WDFY3: variants seen among roughly 807,000 people sequenced by gnomAD.
WDFY3 encodes WD repeat and FYVE domain containing 3.
In WDFY3, 66 loss-of-function variants were observed where a neutral mutation model predicts 409.6. The observed-to-expected ratio is 0.16, with a 90% confidence interval of 0.13 to 0.20. The LOEUF is 0.20. WDFY3 is among the 10% of genes least tolerant of loss of function. The probability of loss-of-function intolerance (pLI) is 1.00; values close to 1 mark genes in which losing one functional copy is unlikely to be tolerated. For missense variants in WDFY3, 3,031 were observed against 4,298.1 expected (o/e 0.71, Z 8.24); for synonymous variants, 1,521 against 1,537.1 (o/e 0.99, Z 0.25).
Position 84,794,607 on chromosome 4 carries a change from C to T in WDFY3, c.3399G>A (p.Glu1133=), listed in dbSNP as rs771644103. The T allele has an allele frequency of 2.5e-6, 4 of 1,613,914 alleles. No homozygotes were observed. In the South Asian group the frequency reaches 3.3e-5, roughly 13 times the overall value. ...LTVVRRANSS[E]QHYVCLAIVL... Reference sequence around the variant, plus strand: ...CTATTGCAAGGCACACGTAATGTTGCTCAGAAGAATTTGCTCGGCGCACAA... The same window carrying T: ...CTATTGCAAGGCACACGTAATGTTGTTCAGAAGAATTTGCTCGGCGCACAA... Residue 1133 remains glutamate, a synonymous_variant, in exon 21 of 68, where the codon GAG becomes GAA. Coordinates refer to ENST00000295888, the MANE Select transcript of WDFY3 (RefSeq NM_014991.6).
intron 5 of WDFY3, chr4:84,844,588 C>A (rs1757830207): frequency 8.7e-7 from 1 of 1,153,558 alleles, no homozygotes; most frequent in African/African-American, 1.6e-5. Context: ...GTACTGGGGT[C>A]AACATCATCC....
intron 3 of WDFY3, among the ~76,000 whole-genome samples, chr4:84,873,494 A>G (rs1762386817): frequency 6.6e-6 from 1 of 152,228 alleles, no homozygotes; most frequent in African/African-American, 2.4e-5. Flanking sequence ...CTGTTCTTTG[A>G]GGAAAAAATT....
chr4:84,703,891 AG>A (rs1731492165), intron 55 of WDFY3, among the ~76,000 whole-genome samples: 2 of 152,192 alleles, frequency 1.3e-5, no homozygotes, highest in Non-Finnish European at 2.9e-5. Flanking sequence ...TAAACTGCAC[AG>A]GTAAGGCTTT....
rs149309465 is a variant in WDFY3 at position 84,848,900 on chromosome 4, G to A, written c.304+1002C>T. On this transcript the variant is annotated intron_variant, in intron 5 of 67. Coordinates refer to ENST00000295888, the MANE Select transcript of WDFY3 (RefSeq NM_014991.6). ...TTTCCTTTTCTATAATAATCATGCTGTATGATGTAGTGGAATTTGTTCTAA... is the reference window on the plus strand; with the variant it reads ...TTTCCTTTTCTATAATAATCATGCTATATGATGTAGTGGAATTTGTTCTAA... 3.3e-3 allele frequency among the ~76,000 whole-genome samples: 501 copies of A among 152,228 alleles called. 4 individuals are homozygous for A. The highest frequency in any genetic ancestry group is 0.011 in the African/African-American group (461 of 41,532).
chr4:84,832,149 T>C (rs895033245), intron 7 of WDFY3, among the ~76,000 whole-genome samples: 2 of 152,098 alleles, frequency 1.3e-5, no homozygotes, highest in Non-Finnish European at 2.9e-5. Flanking sequence ...TCTAATACTA[T>C]TCAGCCATAA....
chr4:84,796,281 A>G (rs1021706851), intron 19 of WDFY3, among the ~76,000 whole-genome samples: 8 of 151,932 alleles, frequency 5.3e-5, no homozygotes, highest in African/African-American at 1.9e-4. Context: ...AACAAAACAG[A>G]TTTGGTCCAT....
Position 84,829,188 on chromosome 4 carries a change from T to C in WDFY3, c.772A>G (p.Lys258Glu). The C allele has an allele frequency of 1.3e-6, 2 of 1,557,964 alleles. No homozygotes were observed. The highest frequency in any genetic ancestry group is 1.7e-6 in the Non-Finnish European group (2 of 1,149,776). Residue 258 changes from lysine (K) to glutamate (E), a missense_variant and splice_region_variant, in exon 9 of 68, where the codon AAA becomes GAA. Physicochemically the swap from Lys to Glu is moderately conservative, Grantham distance 56. Coordinates refer to ENST00000295888, the MANE Select transcript of WDFY3 (RefSeq NM_014991.6). Reference protein sequence around the residue: ...SVNVVKYIHEKECLSTCVQNM... With the variant: ...SVNVVKYIHEEECLSTCVQNM... ...TGAACACATGTAGATAAACACTCTT[T>C]CTCTGTAAGAATAGATAATTAAATA... is the stretch of plus-strand genomic sequence containing the variant.
At chr4:84,734,851 A>G (rs1737175523) in intron 43 of WDFY3, among the ~76,000 whole-genome samples, 192 bp downstream of exon 43, 1 of 152,224 alleles carries the variant, frequency 6.6e-6, no homozygotes, top group Admixed American at 6.5e-5. Context: ...GTTTGTTGAC[A>G]GAAGATTAAA....
At chr4:84,952,485 A>T (rs1009345768) in intron 1 of WDFY3, among the ~76,000 whole-genome samples, 17 of 152,160 alleles carry the variant, frequency 1.1e-4, no homozygotes, top group Non-Finnish European at 5.9e-5. Context: ...ACCTGAGGCA[A>T]AAACAACACC....
Position 84,690,521 on chromosome 4 carries a change from G to T in WDFY3, c.9348C>A (p.Thr3116=), listed in dbSNP as rs139515171. ...EMGTSKEKAK[T]VTLKQALLGH... is the part of the protein sequence containing the mutation. ...TCTCTCTTACCTGTTTGAGGGTGAC[G>T]GTCTTGGCCTTTTCTTTGGAGGTGC... Residue 3116 remains threonine, a synonymous_variant, in exon 61 of 68, where the codon ACC becomes ACA. Coordinates refer to ENST00000295888, the MANE Select transcript of WDFY3 (RefSeq NM_014991.6). 3.1e-6 allele frequency: 5 copies of T among 1,613,918 alleles called. No homozygotes were observed. In the African/African-American group the frequency reaches 6.7e-5, roughly 22 times the overall value.
In WDFY3 at chr4:84,801,884, C is replaced by A; in HGVS notation, c.2608-20G>T. ...AGCATGCTAAAATCAACAAAGAAAT[C>A]CACACAGTCAGGTCATTCTTAGTGA... is the stretch of plus-strand genomic sequence containing the variant. On this transcript the variant is annotated intron_variant, in intron 16 of 67. Transcript: ENST00000295888. The A allele has an allele frequency of 2.5e-6, 4 of 1,607,146 alleles. No individual in the cohort carries two copies. The highest frequency in any genetic ancestry group is 3.4e-6 in the Non-Finnish European group (4 of 1,174,090).
intron 2 of WDFY3, among the ~76,000 whole-genome samples, chr4:84,929,358 A>C (rs1770430532): frequency 6.6e-6 from 1 of 151,976 alleles, no homozygotes; most frequent in African/African-American, 2.4e-5. Context: ...GAGCCAGAGG[A>C]CTCAGTTAAG....
intron 50 of WDFY3, among the ~76,000 whole-genome samples, chr4:84,713,755 G>A (rs1733339424): frequency 6.6e-6 from 1 of 152,172 alleles, no homozygotes. Flanking sequence ...GTTCAGAATA[G>A]CCTTATTATT....
chr4:84,760,986 A>G (rs1179049983), intron 32 of WDFY3, among the ~76,000 whole-genome samples: 5 of 150,484 alleles, frequency 3.3e-5, no homozygotes, highest in Non-Finnish European at 7.4e-5. Context: ...AATGTGTCCC[A>G]GAGATTCTGG....
chr4:84,802,308 A>G (rs1463523795), intron 16 of WDFY3, among the ~76,000 whole-genome samples: 2 of 147,600 alleles, frequency 1.4e-5, no homozygotes, highest in Non-Finnish European at 3.0e-5. Flanking sequence ...GTTGGAGTGC[A>G]ATTGTGTGAT....
intron 1 of WDFY3, among the ~76,000 whole-genome samples, chr4:84,941,492 TGA>T (rs1322978313): frequency 6.6e-6 from 1 of 151,894 alleles, no homozygotes. Context: ...TAATCACTAA[TGA>T]GATAATCATT....
At chr4:84,784,726 T>G (rs918458453) in intron 24 of WDFY3, among the ~76,000 whole-genome samples, 1 of 150,790 alleles carries the variant, frequency 6.6e-6, no homozygotes, top group Admixed American at 6.6e-5. Flanking sequence ...TAATCCCAGC[T>G]ACTCAGGAGG....
intron 49 of WDFY3, among the ~76,000 whole-genome samples, chr4:84,715,668 G>A (rs966246145): frequency 4.6e-5 from 7 of 151,148 alleles, no homozygotes; most frequent in Non-Finnish European, 7.4e-5. Context: ...CCAGCTACTC[G>A]GGAGGCTGAG....
At chr4:84,802,393 C>G (rs190756257) in intron 16 of WDFY3, among the ~76,000 whole-genome samples, 1 of 151,776 alleles carries the variant, frequency 6.6e-6, no homozygotes, top group Admixed American at 6.6e-5. Context: ...CCGAGTAGCT[C>G]GGACTACAGG....
Sources: allele counts gnomAD v4.1 joint callset (sites outside exome capture counted in the v4.1 genomes callset), GRCh38; gene constraint gnomAD v4.1.1; transcripts MANE v1.5; gene names NCBI Gene and HGNC (gene_info 2026-07-23, HGNC 2026-07-21).